PSD3: variants seen among roughly 807,000 people sequenced by gnomAD.
PSD3 encodes pleckstrin and Sec7 domain containing 3.
A neutral mutation model predicts 105.5 loss-of-function variants in PSD3; 49 were observed. The observed-to-expected ratio is 0.46, with a 90% CI of 0.37 to 0.59. The LOEUF (loss-of-function observed/expected upper bound fraction) is 0.59, where lower values mean the gene tolerates loss of function less well. Ranked by LOEUF, PSD3 falls within the 20% of genes least tolerant of loss-of-function variation. The pLI is 0.00. For missense variants in PSD3, 1,561 were observed against 1,263.8 expected, an observed-to-expected ratio of 1.24 and a Z score of -3.57; for synonymous variants, 557 against 457.8, an observed-to-expected ratio of 1.22 and a Z score of -2.77.
intron 1 of PSD3, among the ~76,000 whole-genome samples, chr8:18,949,248 T>A (rs10095291): frequency 0.044 from 1,897 of 43,520 alleles, 72 homozygotes; most frequent in African/African-American, 0.093. Context: ...AAAAAAAATA[T>A]ATATATATAT....
At chr8:18,616,131 C>G (rs759234035) in intron 11 of PSD3, among the ~76,000 whole-genome samples, 2 of 152,244 alleles carry the variant, frequency 1.3e-5, no homozygotes, top group African/African-American at 4.8e-5. Flanking sequence ...CTCTGGCTTA[C>G]CACTCACGCG....
chr8:18,666,673 T>A (rs1178612190), intron 9 of PSD3, among the ~76,000 whole-genome samples: 1 of 150,708 alleles, frequency 6.6e-6, no homozygotes, highest in Non-Finnish European at 1.5e-5. Context: ...AGCACTCAGC[T>A]GTAGCCTGAT....
At chr8:18,930,498 G>C (rs1490886848) in intron 2 of PSD3, among the ~76,000 whole-genome samples, 1 of 151,972 alleles carries the variant, frequency 6.6e-6, no homozygotes, top group Non-Finnish European at 1.5e-5. Context: ...GGTATCCTGG[G>C]TAAGTATCAA....
intron 1 of PSD3, among the ~76,000 whole-genome samples, chr8:19,028,584 G>T (rs1446469869): frequency 6.6e-6 from 1 of 151,974 alleles, no homozygotes; most frequent in African/African-American, 2.4e-5. Context: ...ATACATCCTG[G>T]ATACAATTTA....
intron 12 of PSD3, among the ~76,000 whole-genome samples, chr8:18,585,941 T>C (rs944178301): frequency 4.6e-5 from 7 of 152,080 alleles, no homozygotes; most frequent in Non-Finnish European, 1.0e-4. Flanking sequence ...CTTCAAGGTG[T>C]GACTCTTCTT....
At chr8:18,976,760 A>G (rs1485039810) in intron 1 of PSD3, among the ~76,000 whole-genome samples, 1 of 152,238 alleles carries the variant, frequency 6.6e-6, no homozygotes, top group African/African-American at 2.4e-5. Flanking sequence ...TATCCATAGT[A>G]GCTGATTTTA....
intron 11 of PSD3, among the ~76,000 whole-genome samples, chr8:18,602,775 T>G (rs1448037266): frequency 6.6e-6 from 1 of 152,146 alleles, no homozygotes; most frequent in Non-Finnish European, 1.5e-5. Context: ...TGCTCTGATT[T>G]GACAACCACA....
chr8:18,759,092 A>ACACACACACACACACACACACT (rs756248977), intron 9 of PSD3, among the ~76,000 whole-genome samples: 2 of 143,864 alleles, frequency 1.4e-5, no homozygotes, highest in South Asian at 2.2e-4. Flanking sequence ...ACACACACAC[A>ACACACACACACACACACACACT]CTCTCTCTCT....
At chr8:18,730,267 C>T (rs571641127) in intron 9 of PSD3, 1 of 152,332 alleles carries the variant, frequency 6.6e-6, no homozygotes, top group African/African-American at 2.4e-5. Context: ...GAAGGTACCA[C>T]AGCACAATCA....
At position 18,871,724 on chromosome 8, in the gene PSD3, G is replaced by A. The variant is rs754434160; in HGVS notation, c.1140C>T (p.Ser380=). The part of the protein sequence containing the change: ...ERPGTSSGTF[S]PVRLDESGED... The stretch of plus-strand genomic sequence containing the variant: ...CTCCACTCTCATCAAGACGCACAGG[G>A]GAAAATGTCCCCGAGCTAGTGCCAG... The change falls in exon 3 of 16, where the codon TCC becomes TCT. Residue 380 remains serine (S), a synonymous_variant. Transcript: ENST00000327040. 17 of 1,614,124 alleles carry A rather than the reference G, an allele frequency of 1.1e-5. No homozygotes were observed. Among genetic ancestry groups the A allele is most frequent in the Non-Finnish European group, 1.4e-5 (17 of 1,180,014 alleles).
intron 9 of PSD3, among the ~76,000 whole-genome samples, chr8:18,688,396 C>T (rs189485192): frequency 1.3e-5 from 2 of 152,276 alleles, no homozygotes; most frequent in African/African-American, 4.8e-5. Context: ...TGTGCCTGGC[C>T]TTCTTAATAT....
intron 9 of PSD3, among the ~76,000 whole-genome samples, chr8:18,729,411 T>G (rs73666702): frequency 6.6e-6 from 1 of 152,190 alleles, no homozygotes. Flanking sequence ...TCAAGTCAAA[T>G]GTGGGACCTT....
chr8:18,641,286 C>G (rs1375576840), intron 10 of PSD3, among the ~76,000 whole-genome samples: 1 of 152,152 alleles, frequency 6.6e-6, no homozygotes, highest in African/African-American at 2.4e-5. Flanking sequence ...TGCTTGGGAA[C>G]TGGTATCCCT....
At chr8:19,048,287 A>G (rs993218907) in intron 1 of PSD3, among the ~76,000 whole-genome samples, 1 of 152,156 alleles carries the variant, frequency 6.6e-6, no homozygotes, top group African/African-American at 2.4e-5. Flanking sequence ...CCTGGCCGAC[A>G]TATCAACTCG....
chr8:18,787,220 G>T (rs541898716), intron 8 of PSD3, among the ~76,000 whole-genome samples: 2 of 152,162 alleles, frequency 1.3e-5, no homozygotes, highest in South Asian at 4.2e-4. Context: ...AAGTAGTTCT[G>T]CTCTGAAACA....
intron 1 of PSD3, among the ~76,000 whole-genome samples, chr8:18,980,455 C>CGTTG (rs895862133): frequency 2.8e-4 from 43 of 151,736 alleles, no homozygotes; most frequent in African/African-American, 9.0e-4. Flanking sequence ...TTGGTTGGTT[C>CGTTG]GTTGGTTGGT....
chr8:18,817,214 G>A (rs937056127), intron 4 of PSD3, among the ~76,000 whole-genome samples: 8 of 152,128 alleles, frequency 5.3e-5, no homozygotes, highest in African/African-American at 1.7e-4. Flanking sequence ...TTCCACAATC[G>A]GAGAAGGTAC....
chr8:18,661,244 A>C (rs1023806003), intron 9 of PSD3, among the ~76,000 whole-genome samples: 3 of 152,210 alleles, frequency 2.0e-5, no homozygotes, highest in African/African-American at 4.8e-5. Context: ...CTTTCAGTGA[A>C]ACTGACAGTG....
intron 1 of PSD3, among the ~76,000 whole-genome samples, chr8:19,065,380 T>C (rs1219045861): frequency 6.6e-6 from 1 of 152,168 alleles, no homozygotes; most frequent in Non-Finnish European, 1.5e-5. Context: ...TAAATTCTGA[T>C]ACTATCTACC....
Sources: allele counts gnomAD v4.1 joint callset (sites outside exome capture counted in the v4.1 genomes callset), GRCh38; gene constraint gnomAD v4.1.1; transcripts MANE v1.5; gene names NCBI Gene and HGNC (gene_info 2026-07-23, HGNC 2026-07-21).